Variants in FGD5 observed in about 807,000 individuals in gnomAD.
FGD5 encodes the protein FYVE, RhoGEF and PH domain containing 5.
FGD5 carries 28 observed loss-of-function variants against 133.4 expected under a neutral mutation model. The ratio of observed to expected loss-of-function variants is 0.21; its 90% CI spans 0.16 to 0.29. FGD5 has a LOEUF of 0.29. Among genes scored for constraint, FGD5 ranks in the 10% least tolerant of loss-of-function variants. The pLI, the probability that FGD5 is intolerant of heterozygous loss-of-function variation, is 1.00. For missense variants in FGD5, 1,858 were observed against 1,895.2 expected (o/e 0.98, Z 0.36); for synonymous variants, 810 against 776.5 (o/e 1.04, Z -0.72).
rs2038945042 is a variant in FGD5, at chr3:14,934,243, G to A, written c.*1076G>A. On this transcript the variant is annotated 3_prime_UTR_variant, in exon 20 of 20. Coordinates refer to ENST00000285046, the MANE Select transcript of FGD5 (RefSeq NM_152536.4). ...AGGGAGCACAGAAGTCGTGGCCTGA[G>A]GCTGTTCTATGGGCACTTGGGGCTA... The A allele has an allele frequency of 6.6e-6, 1 of 152,220 alleles. No homozygotes were observed. The highest frequency in any genetic ancestry group is 1.5e-5 in the Non-Finnish European group (1 of 68,042). The allele number at this position is 152,220 out of a possible 1,614,324, so 9.4% of individuals were successfully genotyped here. A position where few individuals can be genotyped will look rare whatever the true frequency, so the allele number is the denominator to read the frequency against.
rs2036427704 is a variant in FGD5, at chr3:14,819,078, A to G, written c.7A>G (p.Arg3Gly). The change falls in exon 1 of 20, where the codon AGG becomes GGG. Residue 3 changes from arginine (R) to glycine (G), a missense_variant. By Grantham distance (125) the Arg-to-Gly change is moderately radical. Coordinates refer to ENST00000285046, the MANE Select transcript of FGD5 (RefSeq NM_152536.4). This position sits in a 1 kb window ranked among gnomAD's most constrained non-coding sequence, Gnocchi z 4.1. Reference protein sequence around the residue: MFRGPKPPIAPKP... With the variant: MFGGPKPPIAPKP... ...TCTTCACAGTCCAAACTCCATGTTC[A>G]GGGGTCCGAAGCCCCCCATTGCCCC... 1.3e-6 allele frequency: 2 copies of G among 1,547,612 alleles called. No individual in the cohort carries two copies. The highest frequency in any genetic ancestry group is 1.7e-6 in the Non-Finnish European group (2 of 1,146,184).
chr3:14,874,903 G>T (rs2037685667), intron 2 of FGD5, among the ~76,000 whole-genome samples: 1 of 152,204 alleles, frequency 6.6e-6, no homozygotes, highest in African/African-American at 2.4e-5. Context: ...GGGGAAGCCA[G>T]GGGGCCACTG....
chr3:14,873,724 T>G (rs1487917863), intron 2 of FGD5, among the ~76,000 whole-genome samples: 1 of 108,316 alleles, frequency 9.2e-6, no homozygotes, highest in Non-Finnish European at 2.0e-5. Flanking sequence ...AGAGCTACAC[T>G]TTTTTTTTTC....
At chr3:14,839,714 C>T (rs1394343639) in intron 1 of FGD5, among the ~76,000 whole-genome samples, 7 of 152,030 alleles carry the variant, frequency 4.6e-5, no homozygotes, top group South Asian at 2.1e-4. Flanking sequence ...GGGTGGATCA[C>T]GAGGTCAGGA....
intron 4 of FGD5, among the ~76,000 whole-genome samples, chr3:14,896,144 C>CA (rs1202401826): frequency 1.3e-5 from 2 of 152,250 alleles, no homozygotes; most frequent in East Asian, 3.9e-4. Context: ...AGGACACAGA[C>CA]AAAAATGCGA....
chr3:14,855,801 A>G (rs1347199278), intron 1 of FGD5, among the ~76,000 whole-genome samples: 1 of 152,068 alleles, frequency 6.6e-6, no homozygotes, highest in African/African-American at 2.4e-5. Context: ...AGTAGTTTGC[A>G]GATATTTTCT....
intron 2 of FGD5, among the ~76,000 whole-genome samples, chr3:14,873,282 CA>C (rs2037646890): frequency 6.6e-6 from 1 of 152,124 alleles, no homozygotes; most frequent in Non-Finnish European, 1.5e-5. Context: ...TTTTAGGTCT[CA>C]GGGGCAGCCC....
Position 14,821,155 on chromosome 3 carries a change from T to G in FGD5, c.2084T>G (p.Val695Gly). The change falls in exon 1 of 20, where the codon GTT (valine) becomes GGT (glycine). Residue 695 changes from valine (V) to glycine (G), a missense_variant. By Grantham distance (109) the Val-to-Gly change is moderately radical. Around this residue, in one of 3 missense-constraint regions of FGD5, gnomAD observed 1,824 missense variants for 1,848.9 expected, o/e 0.99. Transcript: ENST00000285046. ...CACGGGCCTTCCAGGATTCTGGAAGTTGACCGGAGAAGCCTCAGCAACTCC... is the reference window on the plus strand; with the variant it reads ...CACGGGCCTTCCAGGATTCTGGAAGGTGACCGGAGAAGCCTCAGCAACTCC... Reference protein sequence around the residue: ...SYHGPSRILEVDRRSLSNSPQ... With the variant: ...SYHGPSRILEGDRRSLSNSPQ... 1 of 1,613,942 alleles carries G rather than the reference T, an allele frequency of 6.2e-7. No individual in the cohort carries two copies. The highest frequency in any genetic ancestry group is 8.5e-7 in the Non-Finnish European group (1 of 1,179,866).
At chr3:14,812,995 T>G (rs1236448891) in intron 1 of FGD5, among the ~76,000 whole-genome samples, 5 of 152,118 alleles carry the variant, frequency 3.3e-5, no homozygotes, top group African/African-American at 9.7e-5. Context: ...ATGGGAAAAT[T>G]GAGGTGCGGA....
intron 2 of FGD5, among the ~76,000 whole-genome samples, chr3:14,866,362 G>A (rs2037494216): frequency 6.6e-6 from 1 of 152,164 alleles, no homozygotes; most frequent in Non-Finnish European, 1.5e-5. Context: ...GAGAGGGCCT[G>A]TCCTGCTCAG....
At chr3:14,918,464 G>A (rs773949216) in intron 12 of FGD5, among the ~76,000 whole-genome samples, 2 of 152,218 alleles carry the variant, frequency 1.3e-5, no homozygotes, top group Non-Finnish European at 2.9e-5. Context: ...CATGGGAGAC[G>A]TGGTCACTGG....
Position 14,922,962 on chromosome 3 carries a change from T to C in FGD5, c.3808-84T>C, listed in dbSNP as rs968454911. On this transcript the variant is annotated intron_variant, in intron 15 of 19. Coordinates refer to ENST00000285046, the MANE Select transcript of FGD5 (RefSeq NM_152536.4). This position sits in a 1 kb window ranked among gnomAD's most constrained non-coding sequence, Gnocchi z 4.1. ...CTCCCTAGGGGCAGTTGTGGGTGGA[T>C]TAGCAGAGGGAGCGGAGGGGAGGGG... The C allele has an allele frequency of 1.9e-6, 3 of 1,586,138 alleles. No homozygotes were observed. The highest frequency in any genetic ancestry group is 1.7e-6 in the Non-Finnish European group (2 of 1,160,778).
At chr3:14,916,690 C>T (rs1339304772) in intron 11 of FGD5, among the ~76,000 whole-genome samples, 1 of 152,232 alleles carries the variant, frequency 6.6e-6, no homozygotes, top group Non-Finnish European at 1.5e-5. Context: ...TTCCTCTGTG[C>T]CCGTTTGGAG....
intron 16 of FGD5, among the ~76,000 whole-genome samples, chr3:14,923,557 G>A (rs972354932): frequency 1.3e-5 from 2 of 152,162 alleles, no homozygotes; most frequent in Non-Finnish European, 2.9e-5. Flanking sequence ...GCTGGGGTCA[G>A]GGAGGGGTGA....
intron 1 of FGD5, among the ~76,000 whole-genome samples, chr3:14,811,738 A>G (rs1308874898): frequency 4.6e-5 from 7 of 152,202 alleles, no homozygotes; most frequent in African/African-American, 1.7e-4. Flanking sequence ...TGGTGCATGG[A>G]ACCCAGTCCT....
chr3:14,872,288 T>TA (rs2037626242), intron 2 of FGD5, among the ~76,000 whole-genome samples: 1 of 152,140 alleles, frequency 6.6e-6, no homozygotes, highest in African/African-American at 2.4e-5. Flanking sequence ...TGTCACACTT[T>TA]AAAAAAATAA....
At position 14,819,842 on chromosome 3, in the gene FGD5, G is replaced by A; in HGVS notation, c.771G>A (p.Glu257=). Residue 257 remains glutamate, a synonymous_variant, in exon 1 of 20, where the codon GAG becomes GAA. Coordinates refer to ENST00000285046, the MANE Select transcript of FGD5 (RefSeq NM_152536.4). The surrounding 1 kb of genome is among the most constrained non-coding windows in gnomAD (Gnocchi z 4.1). The part of the protein sequence containing the change: ...EDTSEEPPEK[E]ELAGVQEAET... ...CCAGTGAGGAGCCCCCTGAGAAGGA[G>A]GAGCTGGCCGGGGTCCAGGAGGCAG... is the stretch of plus-strand genomic sequence containing the variant. 6 of 1,609,522 alleles carry A rather than the reference G, an allele frequency of 3.7e-6. No homozygotes were observed. In the Middle Eastern group the frequency reaches 9.9e-4, roughly 266 times the overall value.
Position 14,897,544 on chromosome 3 carries a change from C to G in FGD5, c.2784C>G (p.Asp928Glu). The change falls in exon 5 of 20, where the codon GAC (aspartate) becomes GAG (glutamate). Residue 928 changes from aspartate (D) to glutamate (E), a missense_variant. Physicochemically the swap from Asp to Glu is conservative, Grantham distance 45 (BLOSUM62 2). Around this residue, in one of 3 missense-constraint regions of FGD5, gnomAD observed 1,824 missense variants for 1,848.9 expected, o/e 0.99. Transcript: ENST00000285046. ...GAGCTGTCATGAGGGCCTTGGATGA[C>G]ATGGACCATGAAGGCAGAGACACAT... Reference protein sequence around the residue: ...FHGAVMRALDDMDHEGRDTLA... With the variant: ...FHGAVMRALDEMDHEGRDTLA... The G allele has an allele frequency of 6.2e-7, 1 of 1,605,916 alleles. No individual in the cohort carries two copies. The highest frequency in any genetic ancestry group is 8.5e-7 in the Non-Finnish European group (1 of 1,176,236).
intron 18 of FGD5, chr3:14,930,889 G>C (rs771727161): frequency 9.9e-5 from 15 of 151,932 alleles, no homozygotes; most frequent in Admixed American, 2.6e-4. Flanking sequence ...TTATTTTCTA[G>C]TTGTTTGCTG....
Sources: allele counts gnomAD v4.1 joint callset (sites outside exome capture counted in the v4.1 genomes callset), GRCh38; gene constraint gnomAD v4.1.1; regional missense constraint gnomAD v4.1.1; non-coding constraint Gnocchi (gnomAD v3.1); transcripts MANE v1.5; gene names NCBI Gene and HGNC (gene_info 2026-07-23, HGNC 2026-07-21).